The following ERICH6 variants were observed in gnomAD, a reference collection of about 807,000 sequenced individuals.
ERICH6 encodes glutamate-rich protein 6.
Under a neutral mutation model 71.0 loss-of-function variants are expected in ERICH6, and 71 were observed. The ratio of observed to expected loss-of-function variants is 1.00; its 90% CI spans 0.83 to 1.22. The LOEUF is 1.22. Among genes scored for constraint, ERICH6 ranks in the 50% most tolerant of loss-of-function variants. The pLI, the probability that ERICH6 is intolerant of heterozygous loss-of-function variation, is 0.00. For synonymous variants in ERICH6, 262 were observed against 278.4 expected, an observed-to-expected ratio of 0.94 and a Z score of 0.59; for missense variants, 808 against 797.2, an observed-to-expected ratio of 1.01 and a Z score of -0.16.
intron 3 of ERICH6, among the ~76,000 whole-genome samples, chr3:150,697,373 C>T (rs1712693666): frequency 6.6e-6 from 1 of 152,184 alleles, no homozygotes; most frequent in South Asian, 2.1e-4. Flanking sequence ...CACCACTGTA[C>T]CATTAAAAGC....
Position 150,685,982 on chromosome 3 carries a change from A to G in ERICH6, c.650T>C (p.Ile217Thr), listed in dbSNP as rs1712169575. 1 of 1,604,074 alleles carries G rather than the reference A, an allele frequency of 6.2e-7. No individual in the cohort carries two copies. Among genetic ancestry groups the G allele is most frequent in the Non-Finnish European group, 8.5e-7 (1 of 1,170,898 alleles). Residue 217 changes from isoleucine to threonine, a missense_variant, in exon 5 of 14, where the codon ATT (isoleucine) becomes ACT (threonine). This residue lies in a region of ERICH6 where 736 missense variants were observed against 712.2 expected (regional missense o/e 1.03). Transcript: ENST00000295910. ...VINPEESKLN[I>T]LYELEFKEDF... ...ATTTCTTACCTCCAGCTCATATAAA[A>G]TATTTAGTTTCGACTCTTCTGGATT...
At chr3:150,662,545 T>A (rs1727262568) in intron 13 of ERICH6, among the ~76,000 whole-genome samples, 1 of 152,106 alleles carries the variant, frequency 6.6e-6, no homozygotes, top group African/African-American at 2.4e-5. Context: ...AAAGAAAATA[T>A]CAATATATTC....
intron 3 of ERICH6, among the ~76,000 whole-genome samples, chr3:150,687,227 C>T (rs1472490466): frequency 6.6e-6 from 1 of 152,172 alleles, no homozygotes; most frequent in East Asian, 1.9e-4. Flanking sequence ...GTGAATCCAA[C>T]GACAAAGAGA....
intron 3 of ERICH6, among the ~76,000 whole-genome samples, chr3:150,698,510 T>C (rs1245797331): frequency 2.0e-5 from 3 of 152,240 alleles, no homozygotes; most frequent in South Asian, 4.1e-4. Context: ...AAAAATATAA[T>C]GGCAGATTAT....
At chr3:150,681,807 CTTTT>C (rs34909258) in intron 7 of ERICH6, among the ~76,000 whole-genome samples, 1 of 70,262 alleles carries the variant, frequency 1.4e-5, no homozygotes, top group Admixed American at 2.3e-4. Context: ...ACACATAACT[CTTTT>C]TTTTTTTTTT....
intron 11 of ERICH6, among the ~76,000 whole-genome samples, chr3:150,670,203 G>T (rs906822981): frequency 2.0e-5 from 3 of 152,082 alleles, no homozygotes; most frequent in African/African-American, 7.2e-5. Flanking sequence ...TAGATGTTCT[G>T]GCTGGGCGTG....
Position 150,686,370 on chromosome 3 carries a change from A to G in ERICH6, c.554-16T>C, listed in dbSNP as rs1712189884. On this transcript the variant is annotated splice_polypyrimidine_tract_variant and intron_variant, in intron 3 of 13. Coordinates refer to ENST00000295910, the MANE Select transcript of ERICH6 (RefSeq NM_152394.5). ...GCTTTCTTCCCTGTGAAAACAGGGTACATGTGTCATCAATCTGACAAAGTA... is the reference window on the plus strand; with the variant it reads ...GCTTTCTTCCCTGTGAAAACAGGGTGCATGTGTCATCAATCTGACAAAGTA... 6.2e-7 allele frequency: 1 copy of G among 1,611,238 alleles called. No homozygotes were observed. Among genetic ancestry groups the G allele is most frequent in the Non-Finnish European group, 8.5e-7 (1 of 1,178,662 alleles).
intron 7 of ERICH6, among the ~76,000 whole-genome samples, chr3:150,681,868 G>A (rs1179590104): frequency 3.1e-5 from 4 of 129,882 alleles, no homozygotes; most frequent in African/African-American, 1.1e-4. Flanking sequence ...AGGCTGGAGT[G>A]CAGTGGCACG....
intron 10 of ERICH6, among the ~76,000 whole-genome samples, chr3:150,674,388 G>T (rs1394818857): frequency 6.6e-6 from 1 of 151,716 alleles, no homozygotes; most frequent in East Asian, 1.9e-4. Context: ...TCATAAATCA[G>T]ATATTCATGC....
intron 3 of ERICH6, among the ~76,000 whole-genome samples, chr3:150,688,689 A>G (rs1375544323): frequency 1.3e-5 from 2 of 152,256 alleles, no homozygotes; most frequent in Non-Finnish European, 2.9e-5. Flanking sequence ...GAGGCTAATC[A>G]GAAACTCAAA....
At chr3:150,685,651 TAGA>T in intron 6 of ERICH6, 88 bp downstream of exon 6, 2 of 1,100,628 alleles carry the variant, frequency 1.8e-6, no homozygotes, top group African/African-American at 1.6e-5. Context: ...TTTTTCCTTT[TAGA>T]GTATTTTCAC....
chr3:150,679,741 T>A (rs1711820671), intron 9 of ERICH6, among the ~76,000 whole-genome samples: 1 of 152,164 alleles, frequency 6.6e-6, no homozygotes, highest in Admixed American at 6.5e-5. Context: ...TACTGCTACC[T>A]CTGTCTCCCA....
chr3:150,692,604 T>C (rs1231482293), intron 3 of ERICH6, among the ~76,000 whole-genome samples: 1 of 152,170 alleles, frequency 6.6e-6, no homozygotes, highest in African/African-American at 2.4e-5. Context: ...CCTGTATTTG[T>C]ATAAATATGT....
intron 10 of ERICH6, among the ~76,000 whole-genome samples, chr3:150,677,701 T>C (rs1711716329): frequency 6.6e-6 from 1 of 152,156 alleles, no homozygotes; most frequent in African/African-American, 2.4e-5. Flanking sequence ...TTTGTCTTGT[T>C]GTCCAGGCTG....
In ERICH6 at chr3:150,685,848, T is replaced by C. The variant is rs749754476; in HGVS notation, c.677A>G (p.Asp226Gly). 6.2e-6 allele frequency: 10 copies of C among 1,613,562 alleles called. No homozygotes were observed. In the East Asian group the frequency reaches 1.8e-4, roughly 29 times the overall value. ...NILYELEFKE[D>G]FITLFEPSLR... The stretch of plus-strand genomic sequence containing the variant: ...AGAAGGCTCGAACAGTGTTATGAAG[T>C]CTTCCTTAAACTAAATTTAAAAAGA... Residue 226 changes from aspartate to glycine, a missense_variant, in exon 6 of 14, where the codon GAC (aspartate) becomes GGC (glycine). Transcript: ENST00000295910.
intron 9 of ERICH6, 115 bp downstream of exon 9, chr3:150,680,353 C>T: frequency 9.3e-7 from 1 of 1,070,866 alleles, no homozygotes; most frequent in African/African-American, 1.6e-5. Context: ...CAGGCGTGAG[C>T]CACTGCACCT....
intron 3 of ERICH6, 44 bp from the exon 4 acceptor site, chr3:150,686,398 A>G (rs1186607732): frequency 1.9e-6 from 3 of 1,541,540 alleles, no homozygotes; most frequent in East Asian, 2.3e-5. Flanking sequence ...ACAAAGTAGA[A>G]AAGAAGCTGA....
intron 13 of ERICH6, among the ~76,000 whole-genome samples, chr3:150,662,527 C>G (rs754849482): frequency 6.6e-6 from 1 of 151,972 alleles, no homozygotes; most frequent in Non-Finnish European, 1.5e-5. Flanking sequence ...AATTATGTAA[C>G]CAACCACAAA....
intron 3 of ERICH6, among the ~76,000 whole-genome samples, chr3:150,693,648 C>G (rs1279712625): frequency 6.6e-6 from 1 of 152,020 alleles, no homozygotes; most frequent in Non-Finnish European, 1.5e-5. Context: ...GCACTGTATA[C>G]AAATGATTAG....
Sources: gnomAD v4.1 joint callset for allele counts (sites outside exome capture counted in the v4.1 genomes callset) on GRCh38, gnomAD v4.1.1 for gene constraint, gnomAD v4.1.1 regional missense constraint, MANE v1.5 for transcripts, NCBI Gene and HGNC (gene_info 2026-07-23, HGNC 2026-07-21) for gene names.